Variants in WDR7 observed in about 807,000 individuals in gnomAD.
The protein encoded by WDR7 is WD repeat-containing protein 7.
A neutral mutation model predicts 169.4 loss-of-function variants in WDR7; 46 were observed. That is an observed-to-expected ratio of 0.27 (90% CI 0.21 to 0.35). The LOEUF is 0.35. WDR7 is among the 10% of genes least tolerant of loss of function. WDR7 has a pLI of 1.00. For missense variants in WDR7, 1,534 were observed against 1,859.3 expected (o/e 0.83, Z 3.22); for synonymous variants, 612 against 666.8 (o/e 0.92, Z 1.27).
chr18:56,932,284 C>G (rs916921184), intron 22 of WDR7, among the ~76,000 whole-genome samples: 4 of 152,176 alleles, frequency 2.6e-5, no homozygotes, highest in African/African-American at 9.7e-5. Flanking sequence ...CACACTGATG[C>G]CTCTTCAAAA....
intron 26 of WDR7, among the ~76,000 whole-genome samples, chr18:56,983,430 A>G (rs1236052159): frequency 6.6e-6 from 1 of 152,144 alleles, no homozygotes; most frequent in African/African-American, 2.4e-5. Context: ...CAAAAATGGA[A>G]ACCTGCTTCT....
At chr18:56,711,797 G>GT (rs1178453771) in intron 12 of WDR7, among the ~76,000 whole-genome samples, 1 of 151,872 alleles carries the variant, frequency 6.6e-6, no homozygotes, top group Non-Finnish European at 1.5e-5. Flanking sequence ...TTCATAGGCT[G>GT]TTTTTTCCCC....
At chr18:56,972,199 G>A (rs2047498567) in intron 26 of WDR7, among the ~76,000 whole-genome samples, 2 of 152,146 alleles carry the variant, frequency 1.3e-5, no homozygotes, top group Admixed American at 6.5e-5. Context: ...TGATATTCAA[G>A]TCTAAACAGA....
chr18:56,710,002 A>ATTTTTT (rs1568150994), intron 12 of WDR7, among the ~76,000 whole-genome samples: 1 of 113,284 alleles, frequency 8.8e-6, no homozygotes, highest in South Asian at 2.6e-4. Flanking sequence ...ATATATATAT[A>ATTTTTT]GTTGTTTTTT....
At chr18:56,745,418 A>G (rs1163529433) in intron 14 of WDR7, among the ~76,000 whole-genome samples, 1 of 152,178 alleles carries the variant, frequency 6.6e-6, no homozygotes, top group Non-Finnish European at 1.5e-5. Context: ...GGCACCAGGG[A>G]CTGGTTTCGT....
rs544049751 is a variant in WDR7, at chr18:56,744,632, CATG to C, written c.1990-11948_1990-11946del. 1.3e-4 allele frequency among the ~76,000 whole-genome samples: 20 copies of C among 152,238 alleles called. No homozygotes were observed. In the South Asian group the frequency reaches 4.2e-3, roughly 32 times the overall value. On this transcript the variant is annotated intron_variant, in intron 14 of 27. Coordinates refer to ENST00000254442, the MANE Select transcript of WDR7 (RefSeq NM_015285.3). Reference sequence around the variant, plus strand: ...TGTGGAATCCAGGGCCTGAATGCCCCATGATAGTGGTTCCCAAACCATGCTGCA... The same window carrying C: ...TGTGGAATCCAGGGCCTGAATGCCCCATAGTGGTTCCCAAACCATGCTGCA...
intron 13 of WDR7, among the ~76,000 whole-genome samples, chr18:56,723,497 T>C (rs1379984382): frequency 6.6e-6 from 1 of 152,136 alleles, no homozygotes; most frequent in African/African-American, 2.4e-5. Flanking sequence ...GAATTCTAGG[T>C]CAACAGGTTT....
chr18:56,658,940 A>T (rs1163407263), intron 1 of WDR7, among the ~76,000 whole-genome samples: 2 of 150,436 alleles, frequency 1.3e-5, no homozygotes, highest in Non-Finnish European at 3.0e-5. Flanking sequence ...CTGGTCTTGA[A>T]CTCCTGATCT....
At chr18:56,907,853 C>T (rs191441186) in intron 21 of WDR7, among the ~76,000 whole-genome samples, 7 of 152,168 alleles carry the variant, frequency 4.6e-5, no homozygotes, top group East Asian at 3.9e-4. Flanking sequence ...ACCCCCACCT[C>T]GTAATACCAT....
intron 12 of WDR7, among the ~76,000 whole-genome samples, chr18:56,713,715 T>C (rs1309584237): frequency 6.6e-6 from 1 of 152,164 alleles, no homozygotes; most frequent in Non-Finnish European, 1.5e-5. Flanking sequence ...AATTATAGAA[T>C]GAGTCATTGC....
chr18:56,991,656 A>G (rs1367248828), intron 26 of WDR7, among the ~76,000 whole-genome samples: 4 of 152,224 alleles, frequency 2.6e-5, no homozygotes, highest in Admixed American at 1.3e-4. Context: ...AGTGTGAGTG[A>G]TTATAGAGTA....
chr18:56,922,120 T>C (rs1204016400), intron 21 of WDR7, among the ~76,000 whole-genome samples: 2 of 152,190 alleles, frequency 1.3e-5, no homozygotes, highest in East Asian at 1.9e-4. Flanking sequence ...GTAGCTCTTA[T>C]GACTTCCAAG....
intron 17 of WDR7, among the ~76,000 whole-genome samples, chr18:56,777,108 G>T (rs1468543094): frequency 6.6e-6 from 1 of 152,216 alleles, no homozygotes; most frequent in Non-Finnish European, 1.5e-5. Context: ...CTACTGTTAA[G>T]TGCAGAGATG....
chr18:56,969,838 T>C (rs1400335590), intron 26 of WDR7, among the ~76,000 whole-genome samples: 1 of 152,240 alleles, frequency 6.6e-6, no homozygotes, highest in African/African-American at 2.4e-5. Context: ...CCATATTTAA[T>C]ATGATCTCTA....
chr18:56,664,353 G>A (rs2024972824), intron 1 of WDR7, among the ~76,000 whole-genome samples: 1 of 152,174 alleles, frequency 6.6e-6, no homozygotes, highest in African/African-American at 2.4e-5. Context: ...TGTAATGAGA[G>A]GGAGAGAGAT....
At chr18:56,801,277 A>G (rs1472160310) in intron 19 of WDR7, among the ~76,000 whole-genome samples, 1 of 152,122 alleles carries the variant, frequency 6.6e-6, no homozygotes, top group African/African-American at 2.4e-5. Flanking sequence ...AGTATTGTGT[A>G]TAGTTATTTT....
chr18:56,776,216 A>G (rs936485311), intron 16 of WDR7, among the ~76,000 whole-genome samples: 1 of 151,958 alleles, frequency 6.6e-6, no homozygotes, highest in Middle Eastern at 3.2e-3. Flanking sequence ...TGAACCTGTT[A>G]GGATTCTTTT....
At chr18:56,708,923 C>T (rs974239818) in intron 12 of WDR7, among the ~76,000 whole-genome samples, 16 of 152,062 alleles carry the variant, frequency 1.1e-4, no homozygotes, top group African/African-American at 1.9e-4. Context: ...TGCAACAGAA[C>T]GAGACTCTGT....
At chr18:56,658,772 G>A (rs147618837) in intron 1 of WDR7, among the ~76,000 whole-genome samples, 4,297 of 152,178 alleles carry the variant, frequency 0.028, 183 homozygotes, top group African/African-American at 0.097. Flanking sequence ...GAGTGCAGTG[G>A]CATGATCTTG....
Sources: gnomAD v4.1 joint callset for allele counts (sites outside exome capture counted in the v4.1 genomes callset) on GRCh38, gnomAD v4.1.1 for gene constraint, MANE v1.5 for transcripts, NCBI Gene and HGNC (gene_info 2026-07-23, HGNC 2026-07-21) for gene names.